KCNIP4: variants seen among roughly 807,000 people sequenced by gnomAD.
The protein encoded by KCNIP4 is potassium voltage-gated channel interacting protein 4, also known as Kv channel-interacting protein 4.
KCNIP4 carries 12 observed loss-of-function variants against 34.0 expected under a neutral mutation model. The observed-to-expected ratio is 0.35, with a 90% CI of 0.23 to 0.57. The LOEUF (loss-of-function observed/expected upper bound fraction) is 0.57. KCNIP4 is among the 20% of genes least tolerant of loss of function. The probability of loss-of-function intolerance (pLI) is 0.83; values close to 1 mark genes in which losing one functional copy is unlikely to be tolerated. For synonymous variants in KCNIP4, 124 were observed against 102.2 expected, an observed-to-expected ratio of 1.21 and a Z score of -1.29; for missense variants, 238 against 311.7, an observed-to-expected ratio of 0.76 and a Z score of 1.78.
chr4:21,200,369 T>TATATGTGTGTATATATATATATACAC (rs1756395574), intron 1 of KCNIP4, among the ~76,000 whole-genome samples: 1 of 102,332 alleles, frequency 9.8e-6, no homozygotes, highest in Non-Finnish European at 1.8e-5. Context: ...TATATATACA[T>TATATGTGTGTATATATATATATACAC]ACATATATGT....
intron 1 of KCNIP4, among the ~76,000 whole-genome samples, chr4:21,746,525 C>T (rs1393567083): frequency 6.6e-6 from 1 of 151,600 alleles, no homozygotes; most frequent in Non-Finnish European, 1.5e-5. Context: ...GGGAAGGAAA[C>T]TTTCAATATT....
intron 1 of KCNIP4, among the ~76,000 whole-genome samples, chr4:20,913,918 G>A (rs1728567913): frequency 6.6e-6 from 1 of 152,076 alleles, no homozygotes; most frequent in Non-Finnish European, 1.5e-5. Context: ...CACTTTGGGA[G>A]GCCAAGGTGG....
intron 1 of KCNIP4, among the ~76,000 whole-genome samples, chr4:21,707,439 G>A (rs1713368944): frequency 6.6e-6 from 1 of 152,116 alleles, no homozygotes; most frequent in Non-Finnish European, 1.5e-5. Flanking sequence ...TTTTTAAGGA[G>A]AGCCACTGTT....
chr4:21,922,928 T>C (rs1226306322), intron 1 of KCNIP4, among the ~76,000 whole-genome samples: 1 of 152,214 alleles, frequency 6.6e-6, no homozygotes, highest in Non-Finnish European at 1.5e-5. Context: ...AATGTTATTA[T>C]AACCCGAAAG....
chr4:20,887,168 G>A (rs567886556), intron 1 of KCNIP4, among the ~76,000 whole-genome samples: 118 of 151,894 alleles, frequency 7.8e-4, no homozygotes, highest in African/African-American at 2.7e-3. Context: ...ACTGAAGAAA[G>A]GATTATGAGC....
At chr4:21,330,901 A>G (rs896772757) in intron 1 of KCNIP4, among the ~76,000 whole-genome samples, 1 of 152,174 alleles carries the variant, frequency 6.6e-6, no homozygotes, top group African/African-American at 2.4e-5. Context: ...GCAGGAATCA[A>G]TGGTACCCTA....
At chr4:20,771,419 G>A (rs1755867636) in intron 3 of KCNIP4, among the ~76,000 whole-genome samples, 1 of 152,012 alleles carries the variant, frequency 6.6e-6, no homozygotes, top group South Asian at 2.1e-4. Flanking sequence ...GTTACTTATA[G>A]TCAAAAGCAT....
intron 1 of KCNIP4, among the ~76,000 whole-genome samples, chr4:21,054,814 C>T (rs1286446858): frequency 6.6e-6 from 1 of 151,450 alleles, no homozygotes; most frequent in Non-Finnish European, 1.5e-5. Context: ...TGTAAAATTC[C>T]TAGGAGATAA....
intron 1 of KCNIP4, among the ~76,000 whole-genome samples, chr4:21,293,561 CAG>C (rs1390179387): frequency 6.6e-6 from 1 of 152,160 alleles, no homozygotes; most frequent in Non-Finnish European, 1.5e-5. Flanking sequence ...CAGAGATAGG[CAG>C]AGAGACAGGG....
At chr4:21,218,764 A>G (rs915742106) in intron 1 of KCNIP4, among the ~76,000 whole-genome samples, 2 of 152,154 alleles carry the variant, frequency 1.3e-5, no homozygotes, top group Non-Finnish European at 2.9e-5. Context: ...CATTTCTCTC[A>G]CTGTGAACCT....
intron 1 of KCNIP4, among the ~76,000 whole-genome samples, chr4:21,868,621 T>A (rs1172761197): frequency 6.6e-6 from 1 of 152,210 alleles, no homozygotes; most frequent in South Asian, 2.1e-4. Context: ...CCCAGTTAAA[T>A]GCTAACTATT....
intron 1 of KCNIP4, among the ~76,000 whole-genome samples, chr4:20,905,724 A>G (rs2149560245): frequency 6.6e-6 from 1 of 151,052 alleles, no homozygotes; most frequent in African/African-American, 2.4e-5. Context: ...GTTTCACTGT[A>G]TTGGCTGGGC....
intron 3 of KCNIP4, among the ~76,000 whole-genome samples, chr4:20,847,234 G>C (rs1720490552): frequency 6.6e-6 from 1 of 152,088 alleles, no homozygotes; most frequent in South Asian, 2.1e-4. Flanking sequence ...TATAGACAAA[G>C]ACACATCGTC....
intron 1 of KCNIP4, chr4:21,845,531 T>C (rs1723962127): frequency 6.6e-6 from 1 of 152,086 alleles, no homozygotes; most frequent in Admixed American, 6.6e-5. Flanking sequence ...AATTCTTTTT[T>C]CCAAAAGCAT....
At chr4:20,947,009 C>A (rs745579661) in intron 1 of KCNIP4, among the ~76,000 whole-genome samples, 2 of 152,108 alleles carry the variant, frequency 1.3e-5, no homozygotes, top group Admixed American at 6.6e-5. Context: ...CAGCTGTGAA[C>A]GTCCTCTTCT....
chr4:21,063,289 C>G (rs546119139), intron 1 of KCNIP4, among the ~76,000 whole-genome samples: 15 of 152,176 alleles, frequency 9.9e-5, no homozygotes, highest in African/African-American at 1.7e-4. Flanking sequence ...TTATGGCTAG[C>G]TTTAACAGGT....
chr4:21,810,112 T>G (rs1721535924), intron 1 of KCNIP4, among the ~76,000 whole-genome samples: 1 of 151,950 alleles, frequency 6.6e-6, no homozygotes, highest in African/African-American at 2.4e-5. Flanking sequence ...ACCATGAAGG[T>G]TGAACAAGAG....
intron 1 of KCNIP4, among the ~76,000 whole-genome samples, chr4:21,815,666 A>C (rs570571090): frequency 2.0e-5 from 3 of 152,326 alleles, no homozygotes; most frequent in Admixed American, 2.0e-4. Context: ...ATTTGATATA[A>C]GCTGGATGCA....
intron 3 of KCNIP4, among the ~76,000 whole-genome samples, chr4:20,808,221 C>T (rs538976133): frequency 6.6e-6 from 1 of 152,228 alleles, no homozygotes; most frequent in African/African-American, 2.4e-5. Flanking sequence ...TTCACATTAT[C>T]ATTACAGAAG....
Sources: allele counts gnomAD v4.1 joint callset (sites outside exome capture counted in the v4.1 genomes callset), GRCh38; gene constraint gnomAD v4.1.1; transcripts MANE v1.5; gene names NCBI Gene and HGNC (gene_info 2026-07-23, HGNC 2026-07-21).